Variants in SGCD observed in about 807,000 individuals in gnomAD.
SGCD encodes the protein sarcoglycan delta.
A neutral mutation model predicts 36.6 loss-of-function variants in SGCD; 18 were observed. The observed-to-expected ratio is 0.49, with a 90% CI of 0.34 to 0.73. The LOEUF is 0.73. Ranked by LOEUF, SGCD falls within the 30% of genes least tolerant of loss-of-function variation. SGCD has a pLI of 0.01. For synonymous variants in SGCD, 133 were observed against 130.6 expected, an observed-to-expected ratio of 1.02 and a Z score of -0.12; for missense variants, 387 against 346.7, an observed-to-expected ratio of 1.12 and a Z score of -0.92.
rs73300646 is a variant in SGCD, at chr5:156,170,823, C to T, written c.-44+46804C>T. 5.9e-3 allele frequency among the ~76,000 whole-genome samples: 892 copies of T among 152,314 alleles called. 8 individuals carry two copies. Among genetic ancestry groups the T allele is most frequent in the African/African-American group, 0.02 (818 of 41,568 alleles). On this transcript the variant is annotated intron_variant, in intron 3 of 9. Transcript: ENST00000517913. ...AATCACATGCCGTCTCCCCATAAAT[C>T]CCCATGCAGCTTTTGCAAGAGAAGA...
At chr5:156,528,813 T>A (rs958538179) in intron 4 of SGCD, among the ~76,000 whole-genome samples, 3 of 152,144 alleles carry the variant, frequency 2.0e-5, no homozygotes, top group Admixed American at 6.5e-5. Context: ...GATAGGACAT[T>A]TTAATAGAAC....
At chr5:156,478,616 T>C (rs1755294455) in intron 3 of SGCD, among the ~76,000 whole-genome samples, 1 of 151,892 alleles carries the variant, frequency 6.6e-6, no homozygotes, top group South Asian at 2.1e-4. Context: ...AGTCTCGCTG[T>C]GTCTCCCAGG....
intron 4 of SGCD, among the ~76,000 whole-genome samples, chr5:156,588,180 C>T (rs371924865): frequency 5.9e-5 from 9 of 151,872 alleles, no homozygotes; most frequent in African/African-American, 1.9e-4. Flanking sequence ...AGTGTTAGCA[C>T]GCAGTGGCCT....
At chr5:155,758,925 G>A in the SGCD span, among the ~76,000 whole-genome samples, 1,497 of 152,148 alleles carry the variant, frequency 9.8e-3, 5 homozygotes, top group Non-Finnish European at 0.014. Context: ...GAAGTTGGTG[G>A]TCAGTTTACC....
At chr5:156,075,180 T>C (rs1760734937) in intron 1 of SGCD, among the ~76,000 whole-genome samples, 2 of 148,832 alleles carry the variant, frequency 1.3e-5, no homozygotes, top group Non-Finnish European at 3.0e-5. Flanking sequence ...CACTTCCATG[T>C]AGTCAAATTT....
chr5:156,487,788 CAAAAAAAA>C (rs56006984), intron 3 of SGCD, among the ~76,000 whole-genome samples: 15,601 of 41,414 alleles, frequency 0.38, 1,889 homozygotes, highest in South Asian at 0.54. Flanking sequence ...ACTCTGTCAC[CAAAAAAAA>C]AAAAAAAAAA....
At chr5:156,316,608 T>A (rs548543344) in intron 3 of SGCD, among the ~76,000 whole-genome samples, 1 of 152,094 alleles carries the variant, frequency 6.6e-6, no homozygotes, top group African/African-American at 2.4e-5. Flanking sequence ...CACAGACACA[T>A]AAGCCACATG....
At chr5:156,231,496 A>C (rs1213649837) in intron 3 of SGCD, among the ~76,000 whole-genome samples, 1 of 152,162 alleles carries the variant, frequency 6.6e-6, no homozygotes, top group Non-Finnish European at 1.5e-5. Context: ...AGATCGCCCC[A>C]CTGCACTCTA....
At chr5:156,698,897 C>T (rs1254101009) in intron 7 of SGCD, among the ~76,000 whole-genome samples, 1 of 148,734 alleles carries the variant, frequency 6.7e-6, no homozygotes, top group African/African-American at 2.5e-5. Context: ...TAGTATGTTG[C>T]CTGGAACATA....
chr5:156,340,872 G>T (rs1768613711), intron 2 of SGCD, among the ~76,000 whole-genome samples: 1 of 152,306 alleles, frequency 6.6e-6, no homozygotes, highest in Admixed American at 6.5e-5. Flanking sequence ...TTAGAAAAAT[G>T]AACGTACTCA....
intron 1 of SGCD, among the ~76,000 whole-genome samples, chr5:156,037,174 G>A (rs111925843): frequency 3.8e-4 from 58 of 152,284 alleles, no homozygotes; most frequent in African/African-American, 1.3e-3. Context: ...AAAAACATGT[G>A]GAATTGTAAA....
At chr5:155,752,399 T>C in the SGCD span, among the ~76,000 whole-genome samples, 1 of 152,008 alleles carries the variant, frequency 6.6e-6, no homozygotes, top group African/African-American at 2.4e-5. Flanking sequence ...CTGCTTTTCC[T>C]ATGATTTCTT....
At chr5:156,204,921 C>T (rs1253635923) in intron 3 of SGCD, among the ~76,000 whole-genome samples, 8 of 152,058 alleles carry the variant, frequency 5.3e-5, no homozygotes, top group Non-Finnish European at 1.0e-4. Context: ...GGTATTGCTA[C>T]AACCGTGATC....
chr5:155,849,253 T>C, the SGCD span, among the ~76,000 whole-genome samples: 1 of 152,148 alleles, frequency 6.6e-6, no homozygotes, highest in Admixed American at 6.5e-5. Flanking sequence ...TTCTCTCTCT[T>C]TCTCTCTATC....
chr5:155,805,982 G>A, the SGCD span, among the ~76,000 whole-genome samples: 1 of 152,196 alleles, frequency 6.6e-6, no homozygotes, highest in African/African-American at 2.4e-5. Context: ...GGCAGTAGCA[G>A]CTAAGATGGG....
chr5:156,635,161 C>G (rs938416339), intron 6 of SGCD, among the ~76,000 whole-genome samples: 11 of 152,126 alleles, frequency 7.2e-5, no homozygotes, highest in African/African-American at 1.4e-4. Context: ...GAATTTGAGG[C>G]TGCAGTCAGC....
At chr5:156,166,442 G>A (rs555737034) in intron 3 of SGCD, among the ~76,000 whole-genome samples, 67 of 152,032 alleles carry the variant, frequency 4.4e-4, no homozygotes, top group Admixed American at 3.6e-3. Context: ...TCAGCCTCCC[G>A]AGTAGCTGGG....
chr5:156,639,281 C>T (rs1305214816), intron 6 of SGCD, among the ~76,000 whole-genome samples: 1 of 152,106 alleles, frequency 6.6e-6, no homozygotes, highest in Non-Finnish European at 1.5e-5. Flanking sequence ...CTAGAAGAAG[C>T]AAATTAACTT....
chr5:156,354,824 C>A (rs575561002), intron 3 of SGCD, among the ~76,000 whole-genome samples: 7 of 152,262 alleles, frequency 4.6e-5, no homozygotes, highest in Non-Finnish European at 7.4e-5. Flanking sequence ...CCACTGAGAA[C>A]CTGCAGGTCA....
Sources: gnomAD v4.1 joint callset for allele counts (sites outside exome capture counted in the v4.1 genomes callset) on GRCh38, gnomAD v4.1.1 for gene constraint, MANE v1.5 for transcripts, NCBI Gene and HGNC (gene_info 2026-07-23, HGNC 2026-07-21) for gene names.